The following SGCZ variants were observed in gnomAD, a reference collection of about 807,000 sequenced individuals.
The protein encoded by SGCZ is sarcoglycan zeta.
Under a neutral mutation model 41.3 loss-of-function variants are expected in SGCZ, and 40 were observed. That is an observed-to-expected ratio of 0.97 (90% CI 0.75 to 1.26). The LOEUF is 1.26. SGCZ is among the 50% of genes most tolerant of loss of function. The pLI is 0.00. For synonymous variants in SGCZ, 206 were observed against 137.5 expected (o/e 1.50, Z -3.49); for missense variants, 552 against 369.8 (o/e 1.49, Z -4.04).
At chr8:15,185,948 G>C (rs574683177) in intron 1 of SGCZ, among the ~76,000 whole-genome samples, 1 of 149,696 alleles carries the variant, frequency 6.7e-6, no homozygotes, top group Admixed American at 6.7e-5. Context: ...CTCTCGGCTG[G>C]GCGCGGTGGC....
intron 3 of SGCZ, among the ~76,000 whole-genome samples, chr8:14,284,458 T>A (rs553780196): frequency 6.6e-6 from 1 of 152,244 alleles, no homozygotes; most frequent in Non-Finnish European, 1.5e-5. Context: ...ATTTGGTGGA[T>A]GTGCACATAT....
intron 1 of SGCZ, among the ~76,000 whole-genome samples, chr8:14,840,472 A>G (rs1052357288): frequency 2.0e-5 from 3 of 152,110 alleles, no homozygotes; most frequent in African/African-American, 7.2e-5. Flanking sequence ...TGGCCAGGAA[A>G]AGCTGTGATT....
chr8:14,248,439 G>A (rs904732459), intron 3 of SGCZ, among the ~76,000 whole-genome samples: 10 of 152,222 alleles, frequency 6.6e-5, no homozygotes, highest in African/African-American at 2.2e-4. Context: ...CATGTTATAT[G>A]AGTATCATGA....
chr8:14,884,870 G>A (rs910787011), intron 1 of SGCZ, among the ~76,000 whole-genome samples: 8 of 151,844 alleles, frequency 5.3e-5, no homozygotes, highest in African/African-American at 1.9e-4. Flanking sequence ...TGGTTTTTAT[G>A]ATACTAAACT....
intron 5 of SGCZ, among the ~76,000 whole-genome samples, chr8:14,141,960 T>C (rs1563150297): frequency 6.6e-6 from 1 of 152,198 alleles, no homozygotes; most frequent in African/African-American, 2.4e-5. Flanking sequence ...ATGTGGCACA[T>C]ATACACCATG....
chr8:15,074,234 T>G (rs1805452959), intron 1 of SGCZ, among the ~76,000 whole-genome samples: 1 of 152,124 alleles, frequency 6.6e-6, no homozygotes, highest in African/African-American at 2.4e-5. Flanking sequence ...TCTACTAACT[T>G]AAGATGATTC....
intron 1 of SGCZ, among the ~76,000 whole-genome samples, chr8:14,786,687 T>C (rs1162642718): frequency 6.6e-6 from 1 of 151,588 alleles, no homozygotes; most frequent in African/African-American, 2.4e-5. Context: ...GTCTATGGAG[T>C]TTAATTGGAG....
intron 2 of SGCZ, among the ~76,000 whole-genome samples, chr8:14,544,413 G>T (rs900572791): frequency 6.6e-6 from 1 of 152,052 alleles, no homozygotes; most frequent in Admixed American, 6.6e-5. Flanking sequence ...ACAACCATAA[G>T]GTCTGATTGC....
chr8:14,894,560 T>G (rs1374324206), intron 1 of SGCZ, among the ~76,000 whole-genome samples: 1 of 152,156 alleles, frequency 6.6e-6, no homozygotes, highest in African/African-American at 2.4e-5. Context: ...TTATCTTTGC[T>G]TCAGATGATC....
intron 1 of SGCZ, among the ~76,000 whole-genome samples, chr8:15,018,543 G>C (rs1018733887): frequency 2.6e-5 from 4 of 152,312 alleles, no homozygotes; most frequent in African/African-American, 7.2e-5. Flanking sequence ...AGTCTAGGCA[G>C]AGGGAAGAGC....
chr8:14,201,287 T>C (rs1471411727), intron 4 of SGCZ, among the ~76,000 whole-genome samples: 1 of 152,118 alleles, frequency 6.6e-6, no homozygotes, highest in Non-Finnish European at 1.5e-5. Flanking sequence ...TGTCATCAAA[T>C]GAAAACTAAT....
chr8:15,026,353 C>T (rs569451464), intron 1 of SGCZ, among the ~76,000 whole-genome samples: 9 of 152,050 alleles, frequency 5.9e-5, no homozygotes, highest in East Asian at 1.9e-4. Flanking sequence ...TGACATTTTC[C>T]GGAACAGAAA....
chr8:14,438,848 C>T (rs1800164706), intron 2 of SGCZ, among the ~76,000 whole-genome samples: 1 of 151,932 alleles, frequency 6.6e-6, no homozygotes, highest in South Asian at 2.1e-4. Flanking sequence ...GCCCTATTAG[C>T]CTGTCATTTT....
intron 3 of SGCZ, among the ~76,000 whole-genome samples, chr8:14,270,206 T>G (rs987132644): frequency 2.6e-5 from 4 of 151,896 alleles, no homozygotes; most frequent in African/African-American, 9.7e-5. Flanking sequence ...GTGACCCATG[T>G]CTGTAATCCC....
chr8:14,637,253 C>T (rs1806861663), intron 1 of SGCZ, among the ~76,000 whole-genome samples: 1 of 151,762 alleles, frequency 6.6e-6, no homozygotes, highest in Non-Finnish European at 1.5e-5. Context: ...ACTCTACCAG[C>T]ACTTCAATTC....
At chr8:14,874,157 T>G (rs753710069) in intron 1 of SGCZ, among the ~76,000 whole-genome samples, 3 of 152,174 alleles carry the variant, frequency 2.0e-5, no homozygotes, top group Non-Finnish European at 4.4e-5. Context: ...CATATTCTTC[T>G]AGTTATAAAG....
At chr8:15,080,748 G>A (rs1328983628) in intron 1 of SGCZ, among the ~76,000 whole-genome samples, 2 of 151,970 alleles carry the variant, frequency 1.3e-5, no homozygotes, top group Non-Finnish European at 2.9e-5. Context: ...CTGTCACCAT[G>A]CTCAGCTAAT....
intron 1 of SGCZ, among the ~76,000 whole-genome samples, chr8:14,966,835 A>C (rs1801142183): frequency 6.6e-6 from 1 of 152,186 alleles, no homozygotes; most frequent in African/African-American, 2.4e-5. Flanking sequence ...TTTGAAAGAA[A>C]GGGAATATAT....
intron 1 of SGCZ, among the ~76,000 whole-genome samples, chr8:15,114,626 C>T (rs1362088885): frequency 6.6e-6 from 1 of 152,100 alleles, no homozygotes; most frequent in Middle Eastern, 3.2e-3. Flanking sequence ...ACAAACTAAT[C>T]GGAACTGGCT....
Sources: allele counts gnomAD v4.1 joint callset (sites outside exome capture counted in the v4.1 genomes callset), GRCh38; gene constraint gnomAD v4.1.1; transcripts MANE v1.5; gene names NCBI Gene and HGNC (gene_info 2026-07-23, HGNC 2026-07-21).